Variants in NME7 observed in about 807,000 individuals in gnomAD.
The protein encoded by NME7 is NME/NM23 family member 7.
Under a neutral mutation model 49.1 loss-of-function variants are expected in NME7, and 41 were observed. The observed-to-expected ratio is 0.83, with a 90% CI of 0.65 to 1.08. NME7 has a LOEUF of 1.08. Ranked by LOEUF, NME7 falls within the 50% of genes least tolerant of loss-of-function variation. NME7 has a pLI of 0.00. For synonymous variants in NME7, 139 were observed against 150.6 expected, an observed-to-expected ratio of 0.92 and a Z score of 0.56; for missense variants, 423 against 463.4, an observed-to-expected ratio of 0.91 and a Z score of 0.80.
chr1:169,313,702 C>T (rs1651500844), intron 3 of NME7, among the ~76,000 whole-genome samples: 1 of 151,708 alleles, frequency 6.6e-6, no homozygotes, highest in Admixed American at 6.6e-5. Flanking sequence ...GGGAAAAGGC[C>T]AACATGAGGG....
chr1:169,348,851 A>G (rs1490939751), intron 1 of NME7, among the ~76,000 whole-genome samples: 1 of 151,598 alleles, frequency 6.6e-6, no homozygotes, highest in Admixed American at 6.6e-5. Flanking sequence ...TTGAAAAGGA[A>G]GTTAAATTTC....
At chr1:169,345,610 C>T (rs1652925913) in intron 1 of NME7, among the ~76,000 whole-genome samples, 1 of 152,076 alleles carries the variant, frequency 6.6e-6, no homozygotes, top group South Asian at 2.1e-4. Context: ...AGGCATTTCT[C>T]CTTGGTTTCT....
chr1:169,218,454 C>T (rs1407352347), intron 10 of NME7, among the ~76,000 whole-genome samples: 2 of 151,958 alleles, frequency 1.3e-5, no homozygotes, highest in Non-Finnish European at 2.9e-5. Flanking sequence ...AGCCATGTAG[C>T]ACATGCCTAT....
At chr1:169,206,523 G>A (rs1660679534) in intron 10 of NME7, among the ~76,000 whole-genome samples, 1 of 152,062 alleles carries the variant, frequency 6.6e-6, no homozygotes, top group African/African-American at 2.4e-5. Flanking sequence ...TGACCTTTGT[G>A]TATCTTCCTT....
intron 6 of NME7, among the ~76,000 whole-genome samples, chr1:169,298,349 C>CT (rs1469857603): frequency 6.6e-6 from 1 of 152,100 alleles, no homozygotes; most frequent in Non-Finnish European, 1.5e-5. Context: ...TTGGAGAAAA[C>CT]TTACGTTGAT....
Position 169,341,361 on chromosome 1 carries a change from C to A in NME7, c.4-16861G>T, listed in dbSNP as rs372249637. ...GAAGACAAGAGCTGAGCTTTGGGAG[C>A]CTCCACCTAGATTTCAGAGGATGTA... On this transcript the variant is annotated intron_variant, in intron 1 of 11. Coordinates refer to ENST00000367811, the MANE Select transcript of NME7 (RefSeq NM_013330.5). 3.9e-5 allele frequency among the ~76,000 whole-genome samples: 6 copies of A among 152,214 alleles called. No individual in the cohort carries two copies. The East Asian group carries it at 1.2e-3, about 29-fold the overall frequency.
At position 169,258,351 on chromosome 1, in the gene NME7, A is replaced by AAAAT. The variant is rs1416546586; in HGVS notation, c.755-20668_755-20665dup. Among the ~76,000 whole-genome samples, 8 of 100,336 alleles carry AAAAT rather than the reference A, an allele frequency of 8.0e-5. 3 individuals carry two copies. The highest frequency in any genetic ancestry group is 1.9e-4 in the Non-Finnish European group (8 of 42,962). The allele number at this position is 100,336 out of a possible 152,430, so 65.8% of individuals were successfully genotyped here. ...GACAGAGTAAGACCTTGTCTCAAAA[A>AAAAT]AAATAAAATAAAATAAAATAAAACA... On this transcript the variant is annotated intron_variant, in intron 7 of 11. Transcript: ENST00000367811.
chr1:169,296,775 T>C (rs983557755), intron 6 of NME7, among the ~76,000 whole-genome samples: 1 of 152,164 alleles, frequency 6.6e-6, no homozygotes, highest in Non-Finnish European at 1.5e-5. Context: ...GAGTAATACT[T>C]GGTATCTTTT....
intron 10 of NME7, among the ~76,000 whole-genome samples, chr1:169,224,098 G>C (rs993803141): frequency 2.0e-5 from 3 of 152,054 alleles, no homozygotes; most frequent in Non-Finnish European, 4.4e-5. Context: ...TCTCACACAG[G>C]CTTCAATATC....
chr1:169,351,262 C>G (rs1010477642), intron 1 of NME7, among the ~76,000 whole-genome samples: 6 of 151,764 alleles, frequency 4.0e-5, no homozygotes, highest in African/African-American at 1.2e-4. Context: ...TGATGTTAAC[C>G]AAAATCAAAG....
At chr1:169,319,342 T>C (rs896832279) in intron 3 of NME7, among the ~76,000 whole-genome samples, 4 of 152,194 alleles carry the variant, frequency 2.6e-5, no homozygotes, top group Admixed American at 2.0e-4. Flanking sequence ...ATTGTTAAAC[T>C]ACATAAGTCT....
At chr1:169,335,229 A>G (rs1652414016) in intron 1 of NME7, among the ~76,000 whole-genome samples, 1 of 152,222 alleles carries the variant, frequency 6.6e-6, no homozygotes, top group Non-Finnish European at 1.5e-5. Context: ...AAGGAATATA[A>G]ATTATTCTAC....
At chr1:169,179,705 A>C (rs1345880992) in intron 10 of NME7, among the ~76,000 whole-genome samples, 2 of 152,222 alleles carry the variant, frequency 1.3e-5, no homozygotes, top group Admixed American at 1.3e-4. Flanking sequence ...TAACGCAGGA[A>C]TAGAAAATCA....
At chr1:169,201,903 C>T (rs1046885050) in intron 10 of NME7, among the ~76,000 whole-genome samples, 1 of 152,028 alleles carries the variant, frequency 6.6e-6, no homozygotes, top group African/African-American at 2.4e-5. Flanking sequence ...AGAAAAATAT[C>T]AAAGTTCAGG....
Position 169,244,388 on chromosome 1 carries a change from T to A in NME7, c.755-6701A>T, listed in dbSNP as rs542096856. 2.9e-4 allele frequency among the ~76,000 whole-genome samples: 44 copies of A among 152,132 alleles called. 1 individual carries two copies. The highest frequency in any genetic ancestry group is 2.1e-4 in the Non-Finnish European group (14 of 68,030). ...TGGCTCACGCCTGTAATCCCAGCACTTTGGGAGGCCAAAGGTGGGAGGATG... is the reference window on the plus strand; with the variant it reads ...TGGCTCACGCCTGTAATCCCAGCACATTGGGAGGCCAAAGGTGGGAGGATG... On this transcript the variant is annotated intron_variant, in intron 7 of 11. Transcript: ENST00000367811.
At chr1:169,288,348 T>C (rs1650359753) in intron 6 of NME7, among the ~76,000 whole-genome samples, 1 of 152,094 alleles carries the variant, frequency 6.6e-6, no homozygotes, top group Non-Finnish European at 1.5e-5. Flanking sequence ...GGTACTCAAA[T>C]CCCTGTGTGT....
intron 1 of NME7, among the ~76,000 whole-genome samples, chr1:169,350,241 A>AGGAGGAAGGAAGGAAG (rs1653108323): frequency 2.7e-4 from 1 of 3,708 alleles, no homozygotes; most frequent in African/African-American, 6.7e-4. Context: ...AAAGAAAGAA[A>AGGAGGAAGGAAGGAAG]GAAAGAAGGA....
At chr1:169,192,780 T>C (rs1229887898) in intron 10 of NME7, among the ~76,000 whole-genome samples, 1 of 152,152 alleles carries the variant, frequency 6.6e-6, no homozygotes, top group Non-Finnish European at 1.5e-5. Context: ...TGTACAAATA[T>C]ACAGCCTTCT....
At chr1:169,340,257 G>A (rs1347986705) in intron 1 of NME7, among the ~76,000 whole-genome samples, 7 of 152,132 alleles carry the variant, frequency 4.6e-5, no homozygotes, top group Admixed American at 3.9e-4. Flanking sequence ...GGGTTCTCAC[G>A]AGATCTGATG....
Sources: allele counts gnomAD v4.1 joint callset (sites outside exome capture counted in the v4.1 genomes callset), GRCh38; gene constraint gnomAD v4.1.1; transcripts MANE v1.5; gene names NCBI Gene and HGNC (gene_info 2026-07-23, HGNC 2026-07-21).